Variants in AGMO observed in about 807,000 individuals in gnomAD.
AGMO encodes the protein glyceryl-ether monooxygenase.
In AGMO, 75 loss-of-function variants were observed where a neutral mutation model predicts 60.2. That is an observed-to-expected ratio of 1.25 (90% confidence interval 1.03 to 1.51). The LOEUF (loss-of-function observed/expected upper bound fraction) is 1.51. Among genes scored for constraint, AGMO ranks in the 40% most tolerant of loss-of-function variants. The pLI, the probability that AGMO is intolerant of heterozygous loss-of-function variation, is 0.00. For missense variants in AGMO, 763 were observed against 525.5 expected (o/e 1.45, Z -4.42); for synonymous variants, 261 against 177.1 (o/e 1.47, Z -3.76).
intron 12 of AGMO, among the ~76,000 whole-genome samples, chr7:15,272,018 G>A (rs1234001240): frequency 6.6e-6 from 1 of 152,040 alleles, no homozygotes; most frequent in African/African-American, 2.4e-5. Context: ...TGCATCTCTG[G>A]AATAAAACCC....
At chr7:15,376,519 T>C (rs1037559486) in intron 10 of AGMO, among the ~76,000 whole-genome samples, 1 of 152,138 alleles carries the variant, frequency 6.6e-6, no homozygotes, top group Non-Finnish European at 1.5e-5. Context: ...CAAATTTATA[T>C]TGGATACTCT....
rs1342704997 is a variant in AGMO at position 15,531,583 on chromosome 7, T to TTC, written c.409+13187_409+13188dup. ...ATTCTCTATATATTCCATATATATA[T>TTC]TCTATATATATTCTATATATATATT... On this transcript the variant is annotated intron_variant, in intron 3 of 12. Coordinates refer to ENST00000342526, the MANE Select transcript of AGMO (RefSeq NM_001004320.2). Among the ~76,000 whole-genome samples the TTC allele has an allele frequency of 6.7e-5, 7 of 104,604 alleles. 1 individual carries two copies. In the East Asian group the frequency reaches 8.6e-4, roughly 13 times the overall value. The allele number at this position is 104,604 out of a possible 152,430, so 68.6% of individuals were successfully genotyped here.
chr7:15,233,847 G>A (rs894900453), intron 12 of AGMO, among the ~76,000 whole-genome samples: 1 of 152,136 alleles, frequency 6.6e-6, no homozygotes, highest in African/African-American at 2.4e-5. Flanking sequence ...GTCAGTTCGA[G>A]ACCAGCCTGA....
At chr7:15,434,414 C>A (rs923322400) in intron 3 of AGMO, among the ~76,000 whole-genome samples, 2 of 152,082 alleles carry the variant, frequency 1.3e-5, no homozygotes, top group African/African-American at 4.8e-5. Context: ...GATGGGATGT[C>A]ACTTCTGATA....
At chr7:15,340,731 A>T (rs1332380497) in intron 12 of AGMO, among the ~76,000 whole-genome samples, 1 of 152,164 alleles carries the variant, frequency 6.6e-6, no homozygotes, top group African/African-American at 2.4e-5. Context: ...ATATAAAAAC[A>T]CCTGGTTGTC....
intron 12 of AGMO, chr7:15,358,397 G>A (rs779887170): frequency 6.8e-5 from 32 of 471,204 alleles, no homozygotes; most frequent in Admixed American, 7.1e-5. Context: ...AGGATAATAA[G>A]AAGGCATAAT....
At chr7:15,316,117 A>AG (rs1311481898) in intron 12 of AGMO, among the ~76,000 whole-genome samples, 8 of 152,214 alleles carry the variant, frequency 5.3e-5, no homozygotes, top group Admixed American at 5.2e-4. Flanking sequence ...GCCACTAGAA[A>AG]TAGAAGTCCC....
At chr7:15,560,745 T>C (rs978111845) in intron 1 of AGMO, among the ~76,000 whole-genome samples, 2 of 152,180 alleles carry the variant, frequency 1.3e-5, no homozygotes, top group African/African-American at 4.8e-5. Flanking sequence ...AATTTTCTGC[T>C]TAGAATTTTA....
At chr7:15,152,210 A>G in the AGMO span, among the ~76,000 whole-genome samples, 1 of 151,338 alleles carries the variant, frequency 6.6e-6, no homozygotes, top group Non-Finnish European at 1.5e-5. Flanking sequence ...AAATAGCAAC[A>G]CTCTTTTTTT....
intron 5 of AGMO, among the ~76,000 whole-genome samples, chr7:15,411,428 C>G (rs1185512475): frequency 6.6e-6 from 1 of 151,802 alleles, no homozygotes; most frequent in African/African-American, 2.4e-5. Flanking sequence ...AAATCAGGAG[C>G]CAAACTCAGG....
At chr7:15,247,459 C>CACACACACAGAGAGAGAG (rs139642069) in intron 12 of AGMO, among the ~76,000 whole-genome samples, 5 of 115,262 alleles carry the variant, frequency 4.3e-5, no homozygotes, top group African/African-American at 1.8e-4. Context: ...CACACACACA[C>CACACACACAGAGAGAGAG]AGAGAGAGAG....
chr7:15,414,837 T>C (rs1235571877), intron 5 of AGMO, among the ~76,000 whole-genome samples: 1 of 152,076 alleles, frequency 6.6e-6, no homozygotes, highest in East Asian at 1.9e-4. Flanking sequence ...TAAAAATAAA[T>C]ACAAACATAT....
intron 3 of AGMO, among the ~76,000 whole-genome samples, chr7:15,441,337 T>C (rs1781547997): frequency 6.6e-6 from 1 of 152,232 alleles, no homozygotes; most frequent in Non-Finnish European, 1.5e-5. Context: ...TTGACAATTT[T>C]TATGTTGCAT....
In AGMO at chr7:15,334,311, GTTTT is replaced by G. The variant is rs5882496; in HGVS notation, c.1263+31199_1263+31202del. Among the ~76,000 whole-genome samples the G allele has an allele frequency of 7.0e-3, 1,020 of 146,136 alleles. 14 individuals are homozygous for G. The highest frequency in any genetic ancestry group is 0.024 in the African/African-American group (965 of 40,434). The stretch of plus-strand genomic sequence containing the variant: ...AAAGTGTTATTTATAACCTTGGTGA[GTTTT>G]TTTTTTTTTTAAATATGCATCTGCT... On this transcript the variant is annotated intron_variant, in intron 12 of 12. Transcript: ENST00000342526.
the AGMO span, among the ~76,000 whole-genome samples, chr7:15,138,855 CT>C: frequency 6.6e-5 from 10 of 152,148 alleles, no homozygotes; most frequent in African/African-American, 2.4e-4. Context: ...TGTAAATTGA[CT>C]TTTTCATTCA....
At chr7:15,312,721 C>T (rs1780803422) in intron 12 of AGMO, among the ~76,000 whole-genome samples, 2 of 151,684 alleles carry the variant, frequency 1.3e-5, no homozygotes, top group Admixed American at 6.6e-5. Context: ...CTTGCTCTGT[C>T]GCCCAGGCTG....
chr7:15,360,789 T>C (rs189298124), intron 12 of AGMO, among the ~76,000 whole-genome samples: 27 of 152,258 alleles, frequency 1.8e-4, no homozygotes, highest in Non-Finnish European at 3.8e-4. Flanking sequence ...AAAGCTATAA[T>C]AACTGCCAGG....
At chr7:15,273,454 G>C (rs1783678859) in intron 12 of AGMO, among the ~76,000 whole-genome samples, 1 of 151,992 alleles carries the variant, frequency 6.6e-6, no homozygotes. Flanking sequence ...TTATTTCTGA[G>C]GGCTTTGTTT....
chr7:15,258,452 G>A (rs1228124059), intron 12 of AGMO, among the ~76,000 whole-genome samples: 1 of 151,994 alleles, frequency 6.6e-6, no homozygotes, highest in Non-Finnish European at 1.5e-5. Context: ...GGCTGAGGCA[G>A]GAGAATCACT....
Sources: gnomAD v4.1 joint callset for allele counts (sites outside exome capture counted in the v4.1 genomes callset) on GRCh38, gnomAD v4.1.1 for gene constraint, MANE v1.5 for transcripts, NCBI Gene and HGNC (gene_info 2026-07-23, HGNC 2026-07-21) for gene names.